SLC26A8: variants seen among roughly 807,000 people sequenced by gnomAD.
SLC26A8 encodes solute carrier family 26 member 8, also known as testis anion transporter 1.
A neutral mutation model predicts 105.0 loss-of-function variants in SLC26A8; 70 were observed. The observed-to-expected ratio is 0.67, with a 90% CI of 0.55 to 0.81. The LOEUF is 0.81. Among genes scored for constraint, SLC26A8 ranks in the 40% least tolerant of loss-of-function variants. SLC26A8 has a pLI of 0.00. For synonymous variants in SLC26A8, 415 were observed against 438.3 expected, an observed-to-expected ratio of 0.95 and a Z score of 0.66; for missense variants, 998 against 1,181.8, an observed-to-expected ratio of 0.84 and a Z score of 2.28.
In SLC26A8 at chr6:35,970,274, G is replaced by C. The variant is rs578017664; in HGVS notation, c.1288-1320C>G. 4.1e-3 allele frequency among the ~76,000 whole-genome samples: 626 copies of C among 152,226 alleles called. 3 individuals are homozygous for C. Among genetic ancestry groups the C allele is most frequent in the African/African-American group, 0.014 (597 of 41,526 alleles). ...ACACCTTCCCACTGGGTTCCCTCTC[G>C]CTACTCATTGCTATTTGCCTTATAA... On this transcript the variant is annotated intron_variant, in intron 10 of 19. Transcript: ENST00000490799.
chr6:35,978,330 GA>G (rs1359388520), intron 8 of SLC26A8, among the ~76,000 whole-genome samples: 3 of 151,026 alleles, frequency 2.0e-5, no homozygotes, highest in Admixed American at 6.6e-5. Context: ...ACTATAGAAG[GA>G]AAAAAAAATC....
chr6:36,023,461 C>T (rs10456438), intron 1 of SLC26A8, among the ~76,000 whole-genome samples: 21,962 of 149,026 alleles, frequency 0.15, 1,628 homozygotes, highest in African/African-American at 0.15. Flanking sequence ...GCAGGAGAAT[C>T]GCTTGAACCT....
intron 10 of SLC26A8, among the ~76,000 whole-genome samples, chr6:35,973,403 T>A (rs1453526948): frequency 5.3e-5 from 8 of 152,188 alleles, no homozygotes; most frequent in African/African-American, 1.9e-4. Context: ...CAAAACTTGG[T>A]CCACATAAAA....
chr6:36,009,593 A>G (rs1196684518), intron 3 of SLC26A8, among the ~76,000 whole-genome samples: 1 of 152,352 alleles, frequency 6.6e-6, no homozygotes, highest in East Asian at 1.9e-4. Context: ...AACCAATACC[A>G]AAGGGTTATA....
At chr6:35,992,090 T>G (rs1264774181) in intron 6 of SLC26A8, among the ~76,000 whole-genome samples, 1 of 152,224 alleles carries the variant, frequency 6.6e-6, no homozygotes, top group South Asian at 2.1e-4. Flanking sequence ...CCAATAGTTA[T>G]TAGTTTTCCC....
intron 11 of SLC26A8, among the ~76,000 whole-genome samples, chr6:35,963,827 C>G (rs1034162449): frequency 2.6e-5 from 4 of 152,204 alleles, no homozygotes; most frequent in African/African-American, 4.8e-5. Flanking sequence ...ACAATTCCAA[C>G]TGGGCTTTTC....
intron 10 of SLC26A8, 83 bp downstream of exon 10, chr6:35,975,292 C>G: frequency 1.5e-6 from 1 of 662,624 alleles, no homozygotes; most frequent in Non-Finnish European, 2.4e-6. Flanking sequence ...AGATTAAACC[C>G]ATTTAATTCC....
At chr6:35,952,167 G>A (rs1023931487) in intron 17 of SLC26A8, among the ~76,000 whole-genome samples, 2 of 152,116 alleles carry the variant, frequency 1.3e-5, no homozygotes, top group Admixed American at 6.6e-5. Context: ...ACACTCTGGA[G>A]AATCATCTCA....
Position 35,985,687 on chromosome 6 carries a change from C to T in SLC26A8, c.943-3484G>A, listed in dbSNP as rs186042982. Reference sequence around the variant, plus strand: ...CAGCCTAGGAGACAGAGCAAGACTCCGTCTCAAAAAAAAAAAAAAAAAAAA... The same window carrying T: ...CAGCCTAGGAGACAGAGCAAGACTCTGTCTCAAAAAAAAAAAAAAAAAAAA... On this transcript the variant is annotated intron_variant, in intron 7 of 19. Coordinates refer to ENST00000490799, the MANE Select transcript of SLC26A8 (RefSeq NM_052961.4). Among the ~76,000 whole-genome samples, 961 of 122,072 alleles carry T rather than the reference C, an allele frequency of 7.9e-3. 16 individuals carry two copies. The highest frequency in any genetic ancestry group is 0.03 in the African/African-American group (915 of 30,610). 80.1% of individuals were successfully genotyped at this position (122,072 alleles called of 152,430 possible).
intron 8 of SLC26A8, among the ~76,000 whole-genome samples, chr6:35,980,206 C>G (rs769454928): frequency 6.6e-6 from 1 of 152,192 alleles, no homozygotes. Flanking sequence ...CTCCTGGCCT[C>G]AAGTGATCCA....
rs917999713 is a variant in SLC26A8, at chr6:36,024,547, C to A, written c.-46G>T. ...CGGGAGTGCGGGCGCTGGGATCCCACACGGCTCTCGCCTGGCTGGCGGCGC... is the reference window on the plus strand; with the variant it reads ...CGGGAGTGCGGGCGCTGGGATCCCAAACGGCTCTCGCCTGGCTGGCGGCGC... On this transcript the variant is annotated 5_prime_UTR_variant, in exon 1 of 20. Transcript: ENST00000490799. 8 of 415,904 alleles carry A rather than the reference C, an allele frequency of 1.9e-5. No individual in the cohort carries two copies. The highest frequency in any genetic ancestry group is 2.9e-5 in the Non-Finnish European group (6 of 210,160). 25.8% of individuals were successfully genotyped at this position (415,904 alleles called of 1,614,324 possible).
chr6:35,962,834 C>T (rs1562025891), intron 11 of SLC26A8, among the ~76,000 whole-genome samples: 2 of 152,184 alleles, frequency 1.3e-5, no homozygotes, highest in Admixed American at 6.5e-5. Flanking sequence ...GGCAGGGTCT[C>T]GCTCTTGCCC....
At chr6:35,970,393 T>C (rs1772744163) in intron 10 of SLC26A8, among the ~76,000 whole-genome samples, 1 of 152,180 alleles carries the variant, frequency 6.6e-6, no homozygotes, top group Admixed American at 6.5e-5. Flanking sequence ...TGGCCTGATA[T>C]GGAAAGGCTG....
At chr6:35,955,055 G>T in intron 17 of SLC26A8, 97 bp downstream of exon 17, 1 of 1,458,814 alleles carries the variant, frequency 6.9e-7, no homozygotes, top group Non-Finnish European at 9.5e-7. Flanking sequence ...TCTCATAGCA[G>T]CTGATCAGTG....
chr6:35,955,249 T>A lies in SLC26A8; in HGVS notation c.2135A>T (p.Tyr712Phe). ...ACTGGGCAGTAGAGACGCATCTGAG[T>A]AAGGGATGAGTGATCTCCTCCCCTG... The part of the protein sequence containing the change: ...ESQGRRSLIP[Y>F]SDASLLPSVH... The change falls in exon 17 of 20, where the codon TAC becomes TTC. Residue 712 changes from tyrosine to phenylalanine, a missense_variant. Coordinates refer to ENST00000490799, the MANE Select transcript of SLC26A8 (RefSeq NM_052961.4). The A allele has an allele frequency of 6.2e-7, 1 of 1,614,156 alleles. No homozygotes were observed. Among genetic ancestry groups the A allele is most frequent in the South Asian group, 1.1e-5 (1 of 91,084 alleles).
chr6:36,019,533 G>A lies in SLC26A8; in HGVS notation c.175C>T (p.His59Tyr), dbSNP rs1419897712. 6.2e-7 allele frequency: 1 copy of A among 1,613,344 alleles called. No individual in the cohort carries two copies. The highest frequency in any genetic ancestry group is 8.5e-7 in the Non-Finnish European group (1 of 1,179,828). ...MNINITTFRH[H>Y]VQCRCSWHRF... The stretch of plus-strand genomic sequence containing the variant: ...GGACACACGCACCGGCACTGGACGT[G>A]GTGTCTGAAGGTGGTGATGTTGATG... Residue 59 changes from histidine to tyrosine, a missense_variant, in exon 2 of 20, where the codon CAC becomes TAC. His to Tyr is a moderately conservative substitution (Grantham distance 83, BLOSUM62 2). Transcript: ENST00000490799.
chr6:35,969,603 A>T (rs1032722599), intron 10 of SLC26A8: 2 of 152,020 alleles, frequency 1.3e-5, no homozygotes, highest in African/African-American at 2.4e-5. Flanking sequence ...TCTCAAAAAA[A>T]AAATAAATAT....
rs757230518 is a variant in SLC26A8, at chr6:35,982,109, G to A, written c.1025+12C>T. 3.1e-6 allele frequency: 5 copies of A among 1,613,182 alleles called. No homozygotes were observed. The highest frequency in any genetic ancestry group is 4.2e-6 in the Non-Finnish European group (5 of 1,179,290). ...AAAGAGAAAAGCAATCTTGAAAAGT[G>A]GAATTACTGACCTATAAGGAATCAT... On this transcript the variant is annotated intron_variant, in intron 8 of 19. Transcript: ENST00000490799.
At chr6:35,951,115 T>G in intron 19 of SLC26A8, 48 bp downstream of exon 19, 6 of 559,934 alleles carry the variant, frequency 1.1e-5, no homozygotes, top group Non-Finnish European at 1.6e-5. Flanking sequence ...ATCCCCCCAC[T>G]GCCCTCAATC....
Sources: gnomAD v4.1 joint callset for allele counts (sites outside exome capture counted in the v4.1 genomes callset) on GRCh38, gnomAD v4.1.1 for gene constraint, MANE v1.5 for transcripts, NCBI Gene and HGNC (gene_info 2026-07-23, HGNC 2026-07-21) for gene names.